TMCO1: variants seen among roughly 807,000 people sequenced by gnomAD.
The protein encoded by TMCO1 is calcium load-activated calcium channel.
TMCO1 carries 29 observed loss-of-function variants against 29.3 expected under a neutral mutation model. The observed-to-expected ratio is 0.99, with a 90% CI of 0.74 to 1.35. TMCO1 has a LOEUF of 1.35. Ranked by LOEUF, TMCO1 falls within the 40% of genes most tolerant of loss-of-function variation. The probability of loss-of-function intolerance (pLI) is 0.00; values close to 1 mark genes in which losing one functional copy is unlikely to be tolerated. For missense variants in TMCO1, 173 were observed against 225.5 expected, an observed-to-expected ratio of 0.77 and a Z score of 1.49; for synonymous variants, 80 against 77.1, an observed-to-expected ratio of 1.04 and a Z score of -0.20.
chr1:165,738,201 G>A (rs973035777), intron 6 of TMCO1, among the ~76,000 whole-genome samples: 2 of 152,204 alleles, frequency 1.3e-5, no homozygotes, highest in African/African-American at 4.8e-5. Context: ...ACTGAGATGG[G>A]AGAATTGCTT....
At chr1:165,740,795 T>C (rs1252859435) in intron 6 of TMCO1, among the ~76,000 whole-genome samples, 3 of 152,234 alleles carry the variant, frequency 2.0e-5, no homozygotes, top group Admixed American at 6.5e-5. Context: ...AAGTGAGTTC[T>C]CTCTGGTTCT....
chr1:165,749,982 A>T (rs1425156189), intron 5 of TMCO1, among the ~76,000 whole-genome samples: 1 of 152,146 alleles, frequency 6.6e-6, no homozygotes, highest in Non-Finnish European at 1.5e-5. Context: ...ATTTGAAAGA[A>T]ATATTATTTT....
At chr1:165,759,666 T>A (rs1315835312) in intron 2 of TMCO1, 82 bp from the exon 3 acceptor site, 1 of 1,226,932 alleles carries the variant, frequency 8.2e-7, no homozygotes, top group Admixed American at 1.8e-5. Context: ...GCTGAACCAA[T>A]GAAAGAAGCT....
intron 2 of TMCO1, among the ~76,000 whole-genome samples, chr1:165,760,480 A>G (rs538546446): frequency 6.6e-6 from 1 of 151,822 alleles, no homozygotes; most frequent in Admixed American, 6.6e-5. Context: ...TTCAATTACT[A>G]TCATGATTAC....
At chr1:165,760,882 T>C (rs550680876) in intron 2 of TMCO1, among the ~76,000 whole-genome samples, 2 of 152,338 alleles carry the variant, frequency 1.3e-5, no homozygotes, top group South Asian at 4.1e-4. Context: ...GTAAATGGAC[T>C]AGGGATATGT....
At chr1:165,757,041 C>T (rs7411708) in intron 3 of TMCO1, among the ~76,000 whole-genome samples, 79,558 of 151,802 alleles carry the variant, frequency 0.52, 21,466 homozygotes, top group South Asian at 0.72. Context: ...AAGTCTCATT[C>T]CAGGCTTATC....
intron 2 of TMCO1, 61 bp from the exon 3 acceptor site, chr1:165,759,645 G>T: frequency 1.4e-6 from 2 of 1,383,538 alleles, no homozygotes; most frequent in Non-Finnish European, 2.1e-6. Flanking sequence ...AACAAAGGAT[G>T]CTTTATCACA....
At chr1:165,741,043 C>T (rs1240143742) in intron 6 of TMCO1, among the ~76,000 whole-genome samples, 2 of 152,216 alleles carry the variant, frequency 1.3e-5, no homozygotes, top group South Asian at 2.1e-4. Context: ...AAGAGTACAA[C>T]TTATTGGTGG....
rs770761621 is a variant in TMCO1, at chr1:165,726,857, T to C, written c.*1166A>G. ...TATTGTACATAAAATTCTAAGTTGA[T>C]ACTTATTTTCCTCAGCACTTTGAAG... is the stretch of plus-strand genomic sequence containing the variant. On this transcript the variant is annotated 3_prime_UTR_variant, in exon 7 of 7. Transcript: ENST00000367881. The C allele has an allele frequency of 6.6e-6, 3 of 453,894 alleles. No homozygotes were observed. The highest frequency in any genetic ancestry group is 4.7e-5 in the South Asian group (3 of 64,370). The allele number at this position is 453,894 out of a possible 1,614,324, so 28.1% of individuals were successfully genotyped here. A position where few individuals can be genotyped will look rare whatever the true frequency, so the allele number is the denominator to read the frequency against.
At chr1:165,746,696 G>A (rs1444257025) in intron 5 of TMCO1, among the ~76,000 whole-genome samples, 1 of 152,136 alleles carries the variant, frequency 6.6e-6, no homozygotes, top group Non-Finnish European at 1.5e-5. Context: ...AGTGATATGG[G>A]CATTCTCTTC....
At chr1:165,738,322 G>A (rs565935226) in intron 6 of TMCO1, among the ~76,000 whole-genome samples, 1 of 152,060 alleles carries the variant, frequency 6.6e-6, no homozygotes, top group Non-Finnish European at 1.5e-5. Flanking sequence ...CAAAACAACC[G>A]AAAAACCAGG....
At chr1:165,746,453 T>TCACGCACACACA (rs1651800758) in intron 5 of TMCO1, among the ~76,000 whole-genome samples, 1 of 132,326 alleles carries the variant, frequency 7.6e-6, no homozygotes, top group Non-Finnish European at 1.6e-5. Flanking sequence ...AAGACCTATA[T>TCACGCACACACA]CACACACACA....
intron 1 of TMCO1, 56 bp downstream of exon 1, chr1:165,768,626 C>G: frequency 6.2e-7 from 1 of 1,613,374 alleles, no homozygotes; most frequent in Admixed American, 1.7e-5. Context: ...CACAGGGGAC[C>G]CCGGGGCCCT....
intron 5 of TMCO1, among the ~76,000 whole-genome samples, chr1:165,745,688 A>G (rs1651772739): frequency 6.6e-6 from 1 of 152,068 alleles, no homozygotes; most frequent in Non-Finnish European, 1.5e-5. Flanking sequence ...AATTATGTTA[A>G]AGACTGAATA....
intron 5 of TMCO1, among the ~76,000 whole-genome samples, chr1:165,747,587 A>G (rs73022547): frequency 0.013 from 2,019 of 152,344 alleles, 52 homozygotes; most frequent in African/African-American, 0.047. Flanking sequence ...CAATACAGTT[A>G]AAACAGAGTA....
At chr1:165,724,721 G>C (rs1650781191), downstream of TMCO1, 1 of 453,294 alleles carries the variant, frequency 2.2e-6, no homozygotes, top group Non-Finnish European at 4.4e-6. Flanking sequence ...CTTGGTTCCT[G>C]ATTCCAAAAA....
At chr1:165,729,867 G>C (rs1651072109) in intron 6 of TMCO1, among the ~76,000 whole-genome samples, 1 of 152,000 alleles carries the variant, frequency 6.6e-6, no homozygotes, top group Non-Finnish European at 1.5e-5. Context: ...ACTCCATTCT[G>C]TGGTAGGCAG....
rs1652681063 is a variant in TMCO1, at chr1:165,768,775, T to G, written c.-24A>C. 1.9e-6 allele frequency: 3 copies of G among 1,613,944 alleles called. No homozygotes were observed. Among genetic ancestry groups the G allele is most frequent in the Non-Finnish European group, 2.5e-6 (3 of 1,179,978 alleles). Reference sequence around the variant, plus strand: ...ATCTCGCACCTTCGTCTCTGCACTCTCACCCGCCAGGGGGAAAGCGCTCTA... The same window carrying G: ...ATCTCGCACCTTCGTCTCTGCACTCGCACCCGCCAGGGGGAAAGCGCTCTA... On this transcript the variant is annotated 5_prime_UTR_variant, in exon 1 of 7. Transcript: ENST00000367881.
At chr1:165,765,337 G>A (rs1652530480) in intron 2 of TMCO1, among the ~76,000 whole-genome samples, 1 of 152,186 alleles carries the variant, frequency 6.6e-6, no homozygotes. Flanking sequence ...AAGCTGGAGT[G>A]CAGTGATGCA....
Sources: gnomAD v4.1 joint callset for allele counts (sites outside exome capture counted in the v4.1 genomes callset) on GRCh38, gnomAD v4.1.1 for gene constraint, MANE v1.5 for transcripts, NCBI Gene and HGNC (gene_info 2026-07-23, HGNC 2026-07-21) for gene names.